The following MTMR7 variants were observed in gnomAD, a reference collection of about 807,000 sequenced individuals.
MTMR7 encodes myotubularin related protein 7, also known as phosphatidylinositol-3-phosphate phosphatase MTMR7.
A neutral mutation model predicts 81.2 loss-of-function variants in MTMR7; 76 were observed. The ratio of observed to expected loss-of-function variants is 0.94; its 90% confidence interval spans 0.78 to 1.13. The LOEUF (loss-of-function observed/expected upper bound fraction) is 1.13. Ranked by LOEUF, MTMR7 falls within the 50% of genes most tolerant of loss-of-function variation. MTMR7 has a pLI of 0.00. For synonymous variants in MTMR7, 372 were observed against 289.8 expected (o/e 1.28, Z -2.88); for missense variants, 1,044 against 820.0 (o/e 1.27, Z -3.34).
At position 17,297,873 on chromosome 8, in the gene MTMR7, A is replaced by G. The variant is rs191102314; in HGVS notation, c.*1989T>C. ...TCTAATAAGCAGACGAACATGTTAC[A>G]TAAATTATAATGTCTGTCTTGTAAA... is the stretch of plus-strand genomic sequence containing the variant. On this transcript the variant is annotated 3_prime_UTR_variant, in exon 14 of 14. Coordinates refer to ENST00000180173, the MANE Select transcript of MTMR7 (RefSeq NM_004686.5). 1.5e-4 allele frequency: 23 copies of G among 152,204 alleles called. No individual in the cohort carries two copies. The highest frequency in any genetic ancestry group is 5.5e-4 in the African/African-American group (23 of 41,578). 9.4% of individuals were successfully genotyped at this position (152,204 alleles called of 1,614,324 possible).
At chr8:17,306,304 CG>C (rs1180709140) in intron 10 of MTMR7, among the ~76,000 whole-genome samples, 1 of 151,684 alleles carries the variant, frequency 6.6e-6, no homozygotes, top group Non-Finnish European at 1.5e-5. Flanking sequence ...ACTTTATGAG[CG>C]GGTGAGAAGA....
At chr8:17,369,871 T>C (rs1820359271) in intron 3 of MTMR7, among the ~76,000 whole-genome samples, 1 of 151,948 alleles carries the variant, frequency 6.6e-6, no homozygotes, top group Non-Finnish European at 1.5e-5. Flanking sequence ...GGTCTCAGTC[T>C]CCTGACTTTG....
At chr8:17,384,696 G>A (rs766025637) in intron 1 of MTMR7, among the ~76,000 whole-genome samples, 14 of 152,134 alleles carry the variant, frequency 9.2e-5, no homozygotes, top group Non-Finnish European at 1.9e-4. Context: ...AATTTAAAAA[G>A]AAAGCACTTT....
intron 1 of MTMR7, among the ~76,000 whole-genome samples, chr8:17,378,145 G>A (rs1820646779): frequency 1.3e-5 from 2 of 152,174 alleles, no homozygotes; most frequent in Admixed American, 1.3e-4. Context: ...GGATGCTGCT[G>A]CAGGAAAGTC....
At chr8:17,310,677 A>T (rs918990025) in intron 9 of MTMR7, among the ~76,000 whole-genome samples, 4 of 152,154 alleles carry the variant, frequency 2.6e-5, no homozygotes, top group Non-Finnish European at 5.9e-5. Flanking sequence ...AAAAAAAGAA[A>T]AACATCCCAG....
At chr8:17,337,359 T>TC (rs57163351) in intron 6 of MTMR7, among the ~76,000 whole-genome samples, 12,012 of 88,022 alleles carry the variant, frequency 0.14, 688 homozygotes, top group Non-Finnish European at 0.18. Context: ...TAAAACTCCG[T>TC]CCCAAAAAAA....
intron 3 of MTMR7, among the ~76,000 whole-genome samples, chr8:17,362,634 A>G (rs1418389667): frequency 1.3e-5 from 2 of 152,162 alleles, no homozygotes; most frequent in East Asian, 1.9e-4. Context: ...CCCCAAACGC[A>G]GATCCTTCTC....
chr8:17,333,447 T>C (rs372064659), intron 6 of MTMR7, among the ~76,000 whole-genome samples: 3 of 152,218 alleles, frequency 2.0e-5, no homozygotes, highest in East Asian at 3.8e-4. Context: ...AATAGGAGAT[T>C]TGAAAGTATC....
At chr8:17,317,708 C>G (rs367587239) in intron 7 of MTMR7, among the ~76,000 whole-genome samples, 1 of 152,190 alleles carries the variant, frequency 6.6e-6, no homozygotes, top group African/African-American at 2.4e-5. Context: ...TTCAGAGATA[C>G]CTGATGGCTC....
intron 1 of MTMR7, among the ~76,000 whole-genome samples, chr8:17,407,657 C>G (rs780759613): frequency 6.6e-6 from 1 of 151,104 alleles, no homozygotes; most frequent in African/African-American, 2.4e-5. Flanking sequence ...AAATATGGTA[C>G]GTTTAAAGAA....
At chr8:17,332,589 A>C (rs1350150537) in intron 6 of MTMR7, among the ~76,000 whole-genome samples, 1 of 152,218 alleles carries the variant, frequency 6.6e-6, no homozygotes, top group African/African-American at 2.4e-5. Flanking sequence ...TGAAAAGTGC[A>C]TGGCAAACTG....
intron 7 of MTMR7, among the ~76,000 whole-genome samples, chr8:17,328,966 G>C (rs1445296136): frequency 6.6e-6 from 1 of 152,176 alleles, no homozygotes; most frequent in Non-Finnish European, 1.5e-5. Context: ...ATGTGAACTT[G>C]GTCCTAGATT....
chr8:17,371,118 A>C lies in MTMR7; in HGVS notation c.229T>G (p.Phe77Val). ...GCPLLIRCKNFQIIQLIIPQE... is the reference protein window; with the variant it reads ...GCPLLIRCKNVQIIQLIIPQE... ...GGTATGATGAGCTGTATTATCTGAAAGTTCTTGCAGCGAATCAGCAGAGGG... is the reference window on the plus strand; with the variant it reads ...GGTATGATGAGCTGTATTATCTGAACGTTCTTGCAGCGAATCAGCAGAGGG... Residue 77 changes from phenylalanine (F) to valine (V), a missense_variant, in exon 3 of 14, where the codon TTT becomes GTT. Phe to Val is a conservative substitution (Grantham distance 50, BLOSUM62 -1). Transcript: ENST00000180173. The C allele has an allele frequency of 6.2e-7, 1 of 1,614,220 alleles. No homozygotes were observed. The highest frequency in any genetic ancestry group is 8.5e-7 in the Non-Finnish European group (1 of 1,180,030).
chr8:17,363,878 GT>G, intron 3 of MTMR7, among the ~76,000 whole-genome samples: 1 of 145,324 alleles, frequency 6.9e-6, no homozygotes, highest in South Asian at 2.2e-4. Flanking sequence ...TTAGCAGAAT[GT>G]TTAGCAATTA....
chr8:17,332,265 T>G (rs576498873), intron 6 of MTMR7, among the ~76,000 whole-genome samples: 1 of 152,194 alleles, frequency 6.6e-6, no homozygotes, highest in Non-Finnish European at 1.5e-5. Context: ...CAATAGTACT[T>G]TTTAAAAGCT....
In MTMR7 at chr8:17,309,193, G is replaced by C. The variant is rs1724764221; in HGVS notation, c.1151+84C>G. The C allele has an allele frequency of 6.4e-6, 6 of 943,396 alleles. No individual in the cohort carries two copies. In the South Asian group the frequency reaches 8.6e-5, roughly 13 times the overall value. 58.4% of individuals were successfully genotyped at this position (943,396 alleles called of 1,614,324 possible). On this transcript the variant is annotated intron_variant, in intron 10 of 13. Coordinates refer to ENST00000180173, the MANE Select transcript of MTMR7 (RefSeq NM_004686.5). The stretch of plus-strand genomic sequence containing the variant: ...GAGACACAAACTCAAAAAACAAGAC[G>C]ATTTTCCCCTAAATATTCAATTGAA...
At chr8:17,309,950 G>T (rs1817692275) in intron 9 of MTMR7, among the ~76,000 whole-genome samples, 1 of 152,072 alleles carries the variant, frequency 6.6e-6, no homozygotes, top group African/African-American at 2.4e-5. Flanking sequence ...AGGCAGTCCA[G>T]ATTATTATTT....
intron 7 of MTMR7, among the ~76,000 whole-genome samples, chr8:17,323,945 T>C (rs1006779938): frequency 2.0e-5 from 3 of 152,170 alleles, no homozygotes; most frequent in African/African-American, 4.8e-5. Context: ...AAATTAATCT[T>C]TGAACTGTCT....
intron 6 of MTMR7, among the ~76,000 whole-genome samples, chr8:17,332,918 C>T (rs1026927760): frequency 6.6e-6 from 1 of 152,180 alleles, no homozygotes; most frequent in Non-Finnish European, 1.5e-5. Flanking sequence ...GACAGCATGG[C>T]AGGCGACAGG....
Sources: allele counts gnomAD v4.1 joint callset (sites outside exome capture counted in the v4.1 genomes callset), GRCh38; gene constraint gnomAD v4.1.1; transcripts MANE v1.5; gene names NCBI Gene and HGNC (gene_info 2026-07-23, HGNC 2026-07-21).